Variants in TFB1M observed in about 807,000 individuals in gnomAD.
TFB1M encodes the protein transcription factor B1, mitochondrial.
A neutral mutation model predicts 31.1 loss-of-function variants in TFB1M; 27 were observed. The observed-to-expected ratio is 0.87, with a 90% CI of 0.64 to 1.20. The LOEUF is 1.20. Among genes scored for constraint, TFB1M ranks in the 50% most tolerant of loss-of-function variants. The pLI is 0.00. For synonymous variants in TFB1M, 166 were observed against 151.8 expected, an observed-to-expected ratio of 1.09 and a Z score of -0.69; for missense variants, 394 against 418.7, an observed-to-expected ratio of 0.94 and a Z score of 0.51.
chr6:155,272,127 A>G (rs1416206577), intron 5 of TFB1M, among the ~76,000 whole-genome samples: 2 of 152,222 alleles, frequency 1.3e-5, no homozygotes, highest in Non-Finnish European at 2.9e-5. Context: ...TTTCTTCACC[A>G]TAACTAACTG....
intron 5 of TFB1M, chr6:155,264,194 A>C (rs1244054304): frequency 6.6e-6 from 1 of 152,012 alleles, no homozygotes; most frequent in Non-Finnish European, 1.5e-5. Flanking sequence ...TGGTTTCCCC[A>C]CCCTCCAGTG....
chr6:155,292,538 C>T (rs1376756310), intron 4 of TFB1M, among the ~76,000 whole-genome samples: 4 of 152,090 alleles, frequency 2.6e-5, no homozygotes, highest in East Asian at 3.9e-4. Flanking sequence ...TGGGGCTCAA[C>T]GAGCCCCAAA....
chr6:155,278,373 A>G (rs1450590752), intron 5 of TFB1M, among the ~76,000 whole-genome samples: 1 of 152,268 alleles, frequency 6.6e-6, no homozygotes, highest in Non-Finnish European at 1.5e-5. Context: ...TGAGCACACC[A>G]AGACTTAAGT....
chr6:155,243,297 C>T, the TFB1M span, among the ~76,000 whole-genome samples: 1 of 152,184 alleles, frequency 6.6e-6, no homozygotes, highest in Non-Finnish European at 1.5e-5. Flanking sequence ...CTGGACCTCT[C>T]ACTGTGCTCC....
chr6:155,248,673 G>A, the TFB1M span, among the ~76,000 whole-genome samples: 1 of 152,168 alleles, frequency 6.6e-6, no homozygotes, highest in Non-Finnish European at 1.5e-5. Flanking sequence ...CTTTCAAGTC[G>A]CTACTGGTGT....
At chr6:155,246,127 C>T in the TFB1M span, among the ~76,000 whole-genome samples, 5 of 151,690 alleles carry the variant, frequency 3.3e-5, no homozygotes, top group African/African-American at 9.7e-5. Context: ...CAGCCTACCA[C>T]GAAACTCACA....
At chr6:155,236,797 G>C in the TFB1M span, among the ~76,000 whole-genome samples, 6 of 152,156 alleles carry the variant, frequency 3.9e-5, no homozygotes, top group African/African-American at 1.4e-4. Context: ...AACAGCATGG[G>C]AAAGGCCCAC....
At position 155,268,946 on chromosome 6, in the gene TFB1M, T is replaced by TA. The variant is rs1204779447; in HGVS notation, c.667-8547dup. 1.6e-3 allele frequency among the ~76,000 whole-genome samples: 75 copies of TA among 46,412 alleles called. 1 individual carries two copies. The highest frequency in any genetic ancestry group is 3.1e-3 in the African/African-American group (38 of 12,262). The allele number at this position is 46,412 out of a possible 152,430, so 30.4% of individuals were successfully genotyped here. On this transcript the variant is annotated intron_variant, in intron 5 of 6. Transcript: ENST00000367166. The stretch of plus-strand genomic sequence containing the variant: ...CGAGAAACACCCAAGAATGATCAAT[T>TA]AAAAAAAAAAAAAAGAAAAAAGAAA...
intron 1 of TFB1M, 191 bp downstream of exon 1, chr6:155,314,105 C>T: frequency 6.8e-7 from 1 of 1,466,058 alleles, no homozygotes; most frequent in Non-Finnish European, 9.0e-7. Flanking sequence ...GTTTTGTGAG[C>T]AATCAACGCA....
chr6:155,239,561 G>C, the TFB1M span, among the ~76,000 whole-genome samples: 582 of 152,376 alleles, frequency 3.8e-3, 1 homozygote, highest in African/African-American at 0.013. Flanking sequence ...CCAAAGTCTG[G>C]TGGATACAGA....
At chr6:155,264,558 A>G (rs959239602) in intron 5 of TFB1M, among the ~76,000 whole-genome samples, 2 of 152,218 alleles carry the variant, frequency 1.3e-5, no homozygotes, top group African/African-American at 2.4e-5. Context: ...AAAGTTTACA[A>G]TTTGTGTTAT....
chr6:155,244,532 G>C, the TFB1M span: 1 of 1,191,066 alleles, frequency 8.4e-7, no homozygotes, highest in South Asian at 1.6e-5. Flanking sequence ...TCTTCTTAAA[G>C]GATTTACTTT....
At position 155,314,440 on chromosome 6, in the gene TFB1M, A is replaced by T; in HGVS notation, c.-12T>A. ...CCGGAGGCAGCCATGATACGCGGCA[A>T]GCACCATCCAACCCTACCTCACCCA... On this transcript the variant is annotated 5_prime_UTR_variant, in exon 1 of 7. It adds an upstream start codon to the 5' untranslated region. Transcript: ENST00000367166. 6.2e-7 allele frequency: 1 copy of T among 1,614,070 alleles called. No homozygotes were observed.
chr6:155,270,451 G>C (rs112529161), intron 5 of TFB1M, among the ~76,000 whole-genome samples: 12 of 152,098 alleles, frequency 7.9e-5, no homozygotes, highest in African/African-American at 2.9e-4. Flanking sequence ...TACTTTCCTA[G>C]CTCCTTTTTT....
In TFB1M at chr6:155,304,151, G is replaced by A. The variant is rs139500007; in HGVS notation, c.286-5566C>T. Among the ~76,000 whole-genome samples the A allele has an allele frequency of 4.2e-3, 632 of 152,110 alleles. 4 individuals are homozygous for A. The highest frequency in any genetic ancestry group is 0.014 in the African/African-American group (593 of 41,506). ...CAAAAAATTAGCTGGGCATGGTAGCGGGCGCCTGTAATTCCAGCTACTCGT... is the reference window on the plus strand; with the variant it reads ...CAAAAAATTAGCTGGGCATGGTAGCAGGCGCCTGTAATTCCAGCTACTCGT... On this transcript the variant is annotated intron_variant, in intron 2 of 6. Coordinates refer to ENST00000367166, the MANE Select transcript of TFB1M (RefSeq NM_016020.4).
intron 2 of TFB1M, 173 bp downstream of exon 2, chr6:155,311,015 A>C (rs1046866256): frequency 8.6e-5 from 61 of 707,722 alleles, no homozygotes; most frequent in Non-Finnish European, 1.4e-4. Flanking sequence ...TTAAAAATGG[A>C]GATTTCCAGA....
intron 5 of TFB1M, among the ~76,000 whole-genome samples, chr6:155,268,659 G>A (rs533884596): frequency 6.6e-6 from 1 of 152,042 alleles, no homozygotes; most frequent in East Asian, 1.9e-4. Context: ...CCCCAACCCG[G>A]TGCTCTCTGA....
intron 5 of TFB1M, among the ~76,000 whole-genome samples, chr6:155,282,544 C>T (rs1205860386): frequency 6.6e-6 from 1 of 152,086 alleles, no homozygotes; most frequent in African/African-American, 2.4e-5. Flanking sequence ...ATTAATCTCC[C>T]TCTCTCAACC....
At chr6:155,314,130 T>C (rs1778142734) in intron 1 of TFB1M, 166 bp downstream of exon 1, 1 of 1,490,938 alleles carries the variant, frequency 6.7e-7, no homozygotes, top group Non-Finnish European at 8.9e-7. Flanking sequence ...ACGTGTCTCC[T>C]GGGCGGTGGG....
Sources: allele counts gnomAD v4.1 joint callset (sites outside exome capture counted in the v4.1 genomes callset), GRCh38; gene constraint gnomAD v4.1.1; transcripts MANE v1.5; gene names NCBI Gene and HGNC (gene_info 2026-07-23, HGNC 2026-07-21).